The following FLOT2 variants were observed in gnomAD, a reference collection of about 807,000 sequenced individuals.
FLOT2 encodes flotillin-2.
FLOT2 carries 35 observed loss-of-function variants against 54.9 expected under a neutral mutation model. That is an observed-to-expected ratio of 0.64 (90% CI 0.49 to 0.84). The LOEUF (loss-of-function observed/expected upper bound fraction) is 0.84. Among genes scored for constraint, FLOT2 ranks in the 40% least tolerant of loss-of-function variants. The probability of loss-of-function intolerance (pLI) is 0.00; values close to 1 mark genes in which losing one functional copy is unlikely to be tolerated. For missense variants in FLOT2, 464 were observed against 572.1 expected, an observed-to-expected ratio of 0.81 and a Z score of 1.93; for synonymous variants, 207 against 228.9, an observed-to-expected ratio of 0.90 and a Z score of 0.86.
intron 2 of FLOT2, 114 bp downstream of exon 2, chr17:28,888,831 A>C: frequency 2.7e-6 from 1 of 373,384 alleles, no homozygotes; most frequent in Non-Finnish European, 5.6e-6. Context: ...GCCAGAATGG[A>C]ATGTGGAAAT....
At chr17:28,894,114 C>T (rs2039698323) in intron 1 of FLOT2, among the ~76,000 whole-genome samples, 1 of 152,236 alleles carries the variant, frequency 6.6e-6, no homozygotes, top group South Asian at 2.1e-4. Flanking sequence ...AAGTTCTCCT[C>T]CCACCTCGGT....
rs1459335948 is a variant in FLOT2 at position 28,881,355 on chromosome 17, G to A, written c.935C>T (p.Ala312Val). 6.2e-7 allele frequency: 1 copy of A among 1,612,522 alleles called. No homozygotes were observed. Among genetic ancestry groups the A allele is most frequent in the South Asian group, 1.1e-5 (1 of 91,088 alleles). ...EGEKVKQVLL[A>V]QAEAEKIRKI... ...GCGGATCTTCTCAGCCTCTGCCTGT[G>A]CCAAGAGGACCTGCTTCACCCTGGG... The change falls in exon 9 of 11, where the codon GCA becomes GTA. Residue 312 changes from alanine (A) to valine (V), a missense_variant. By Grantham distance (64) the Ala-to-Val change is moderately conservative. Coordinates refer to ENST00000394908, the MANE Select transcript of FLOT2 (RefSeq NM_004475.3).
In FLOT2 at chr17:28,880,132, T is replaced by C. The variant is rs998887432; in HGVS notation, c.*429A>G. The C allele has an allele frequency of 4.8e-6, 5 of 1,039,272 alleles. No individual in the cohort carries two copies. The Admixed American group carries it at 2.5e-4, about 53-fold the overall frequency. 64.4% of individuals were successfully genotyped at this position (1,039,272 alleles called of 1,614,324 possible). On this transcript the variant is annotated 3_prime_UTR_variant, in exon 11 of 11. Transcript: ENST00000394908. ...CAGTGACCGTCCTACCCAGAACCCCTGCCCATGCTGAGCTCTGGCCAGGGC... is the reference window on the plus strand; with the variant it reads ...CAGTGACCGTCCTACCCAGAACCCCCGCCCATGCTGAGCTCTGGCCAGGGC...
Position 28,897,693 on chromosome 17 carries a change from T to TCGCC in FLOT2, c.-123_-120dup, listed in dbSNP as rs963317079. The TCGCC allele has an allele frequency of 1.3e-5, 12 of 919,158 alleles. No homozygotes were observed. The Admixed American group carries it at 4.0e-4, about 31-fold the overall frequency. 56.9% of individuals were successfully genotyped at this position (919,158 alleles called of 1,614,324 possible). On this transcript the variant is annotated 5_prime_UTR_variant, in exon 1 of 11. Transcript: ENST00000394908. This position sits in a 1 kb window ranked among gnomAD's most constrained non-coding sequence, Gnocchi z 4.4. ...CCCCAGCGGCCGGCCGCCCGCTCGC[T>TCGCC]CGCCCGCGCCCCTCTGCGGTCGCAG...
At chr17:28,895,577 G>A (rs1009419900) in intron 1 of FLOT2, among the ~76,000 whole-genome samples, 7 of 152,042 alleles carry the variant, frequency 4.6e-5, no homozygotes, top group African/African-American at 1.4e-4. Flanking sequence ...GATTTTCAAG[G>A]TACCAGAAAT....
At chr17:28,894,912 TTTA>T (rs2039717637) in intron 1 of FLOT2, among the ~76,000 whole-genome samples, 1 of 41,034 alleles carries the variant, frequency 2.4e-5, no homozygotes, top group Non-Finnish European at 1.1e-4. Flanking sequence ...TTGTTTATTA[TTTA>T]TTTATTTATT....
chr17:28,886,057 G>T, intron 2 of FLOT2: 1 of 612,546 alleles, frequency 1.6e-6, no homozygotes, highest in Non-Finnish European at 3.0e-6. Flanking sequence ...ACGCCTGGGG[G>T]CGGGGGGGGG....
chr17:28,880,800 G>C lies in FLOT2; in HGVS notation c.1161C>G (p.Asp387Glu), dbSNP rs151254762. Residue 387 changes from aspartate to glutamate, a missense_variant, in exon 10 of 11, where the codon GAC becomes GAG. Asp to Glu is a conservative substitution (Grantham distance 45). Transcript: ENST00000394908. Reference protein sequence around the residue: ...KVDEIVVLSGDNSKVTSEVNR... With the variant: ...KVDEIVVLSGENSKVTSEVNR... ...TCACTTCTGATGTGACCTTACTGTTGTCTCCACTGAGGACCACAATCTCAT... is the reference window on the plus strand; with the variant it reads ...TCACTTCTGATGTGACCTTACTGTTCTCTCCACTGAGGACCACAATCTCAT... 2 of 1,614,026 alleles carry C rather than the reference G, an allele frequency of 1.2e-6. No individual in the cohort carries two copies. The highest frequency in any genetic ancestry group is 1.7e-6 in the Non-Finnish European group (2 of 1,180,020).
chr17:28,880,440 ACTT>A lies in FLOT2; in HGVS notation c.*118_*120del, dbSNP rs2039426418. The A allele has an allele frequency of 6.6e-7, 1 of 1,520,164 alleles. No homozygotes were observed. The highest frequency in any genetic ancestry group is 8.8e-7 in the Non-Finnish European group (1 of 1,134,452). The allele number at this position is 1,520,164 out of a possible 1,614,324, so 94.2% of individuals were successfully genotyped here. A position where few individuals can be genotyped will look rare whatever the true frequency, so the allele number is the denominator to read the frequency against. ...GCCAGAGATGGCCTGAACACGCAGC[ACTT>A]CTGGTCCCTTCGAGATAAGGCACCA... On this transcript the variant is annotated 3_prime_UTR_variant, in exon 11 of 11. Coordinates refer to ENST00000394908, the MANE Select transcript of FLOT2 (RefSeq NM_004475.3).
At chr17:28,886,868 C>G (rs551381341) in intron 2 of FLOT2, among the ~76,000 whole-genome samples, 1 of 152,282 alleles carries the variant, frequency 6.6e-6, no homozygotes, top group Admixed American at 6.5e-5. Context: ...CAGTGCCAGC[C>G]CTGGGGCACT....
At position 28,882,716 on chromosome 17, in the gene FLOT2, G is replaced by T; in HGVS notation, c.347-25C>A. 6.7e-7 allele frequency: 1 copy of T among 1,491,802 alleles called. No individual in the cohort carries two copies. The highest frequency in any genetic ancestry group is 9.3e-7 in the Non-Finnish European group (1 of 1,070,392). The allele number at this position is 1,491,802 out of a possible 1,614,324, so 92.4% of individuals were successfully genotyped here. A position where few individuals can be genotyped will look rare whatever the true frequency, so the allele number is the denominator to read the frequency against. On this transcript the variant is annotated intron_variant, in intron 4 of 10. Transcript: ENST00000394908. The surrounding 1 kb of genome is among the most constrained non-coding windows in gnomAD (Gnocchi z 5.6). ...CCTGGGGGCAGAGGGATCAAGGGCT[G>T]GCTCCCCAGGGACCCAGCCAGCTGG... is the stretch of plus-strand genomic sequence containing the variant.
At position 28,884,283 on chromosome 17, in the gene FLOT2, C is replaced by A; in HGVS notation, c.164G>T (p.Arg55Leu). 6.2e-7 allele frequency: 1 copy of A among 1,612,744 alleles called. No homozygotes were observed. Among genetic ancestry groups the A allele is most frequent in the Non-Finnish European group, 8.5e-7 (1 of 1,179,348 alleles). Residue 55 changes from arginine to leucine, a missense_variant, in exon 3 of 11, where the codon CGC becomes CTC. Physicochemically the swap from Arg to Leu is moderately radical, Grantham distance 102 (BLOSUM62 -2). Coordinates refer to ENST00000394908, the MANE Select transcript of FLOT2 (RefSeq NM_004475.3). The surrounding 1 kb of genome is among the most constrained non-coding windows in gnomAD (Gnocchi z 5.1). ...ISLEIMTLQPRCEDVETAEGV... is the reference protein window; with the variant it reads ...ISLEIMTLQPLCEDVETAEGV... The stretch of plus-strand genomic sequence containing the variant: ...CTCGGCCGTCTCTACGTCCTCGCAG[C>A]GGGGCTGCAACGTCATAATCTCTAG...
intron 2 of FLOT2, among the ~76,000 whole-genome samples, chr17:28,885,369 A>G (rs1220458513): frequency 6.6e-6 from 1 of 152,218 alleles, no homozygotes; most frequent in Non-Finnish European, 1.5e-5. Context: ...GGCCTCTTCC[A>G]GGCTGGGAAC....
Position 28,883,332 on chromosome 17 carries a change from C to T in FLOT2, c.223-101G>A, listed in dbSNP as rs1598090829. On this transcript the variant is annotated intron_variant, in intron 3 of 10. Coordinates refer to ENST00000394908, the MANE Select transcript of FLOT2 (RefSeq NM_004475.3). This position sits in a 1 kb window ranked among gnomAD's most constrained non-coding sequence, Gnocchi z 5.0. The stretch of plus-strand genomic sequence containing the variant: ...GATGGTGGCTGTGCCTCCTCCCTTC[C>T]TTTTTTCAGACCTGGAGGCCCTGGG... 2 of 1,465,418 alleles carry T rather than the reference C, an allele frequency of 1.4e-6. No homozygotes were observed. The highest frequency in any genetic ancestry group is 2.0e-4 in the Middle Eastern group (1 of 5,058). 90.8% of individuals were successfully genotyped at this position (1,465,418 alleles called of 1,614,324 possible).
At chr17:28,885,946 G>T in intron 2 of FLOT2, 1 of 1,547,288 alleles carries the variant, frequency 6.5e-7, no homozygotes, top group Non-Finnish European at 8.7e-7. Flanking sequence ...TCCAGAGACA[G>T]TCTGAGGAGC....
At chr17:28,880,979 C>T (rs1264205033) in intron 9 of FLOT2, 117 bp from the exon 10 acceptor site, 3 of 1,351,026 alleles carry the variant, frequency 2.2e-6, no homozygotes, top group Admixed American at 3.5e-5. Context: ...CTGGGTGGCC[C>T]TTAGTCTCGA....
intron 2 of FLOT2, 140 bp downstream of exon 2, chr17:28,888,805 A>AC: frequency 1.8e-5 from 7 of 393,056 alleles, no homozygotes; most frequent in South Asian, 3.8e-5. Context: ...GTCCCCCCCA[A>AC]CCCCACCCCT....
In FLOT2 at chr17:28,882,456, G is replaced by C. The variant is rs368057780; in HGVS notation, c.466-6C>G. On this transcript the variant is annotated splice_polypyrimidine_tract_variant and splice_region_variant and intron_variant, in intron 5 of 10. Transcript: ENST00000394908. This position sits in a 1 kb window ranked among gnomAD's most constrained non-coding sequence, Gnocchi z 5.6. ...TCCACTTTGTCATACACGTCCTGGG[G>C]AGGGAAGGGGGTATCAGAGGCTCAA... The C allele has an allele frequency of 3.0e-4, 491 of 1,612,934 alleles. 1 individual carries two copies. The highest frequency in any genetic ancestry group is 6.1e-4 in the South Asian group (56 of 91,062).
chr17:28,889,701 G>A (rs1355710727), intron 1 of FLOT2, among the ~76,000 whole-genome samples: 3 of 151,644 alleles, frequency 2.0e-5, no homozygotes, highest in Non-Finnish European at 2.9e-5. Context: ...GTGCAGTGGC[G>A]TGATCTTGGC....
Sources: gnomAD v4.1 joint callset for allele counts (sites outside exome capture counted in the v4.1 genomes callset) on GRCh38, gnomAD v4.1.1 for gene constraint, Gnocchi (gnomAD v3.1) non-coding constraint, MANE v1.5 for transcripts, NCBI Gene and HGNC (gene_info 2026-07-23, HGNC 2026-07-21) for gene names.